PTPRN2: variants seen among roughly 807,000 people sequenced by gnomAD.
PTPRN2 encodes protein tyrosine phosphatase receptor type N2.
In PTPRN2, 74 loss-of-function variants were observed where a neutral mutation model predicts 118.8. That is an observed-to-expected ratio of 0.62 (90% confidence interval 0.52 to 0.76). The LOEUF (loss-of-function observed/expected upper bound fraction) is 0.76, where lower values mean the gene tolerates loss of function less well. Among genes scored for constraint, PTPRN2 ranks in the 30% least tolerant of loss-of-function variants. PTPRN2 has a pLI of 0.00. For synonymous variants in PTPRN2, 641 were observed against 608.0 expected, an observed-to-expected ratio of 1.05 and a Z score of -0.80; for missense variants, 1,481 against 1,394.4, an observed-to-expected ratio of 1.06 and a Z score of -0.99.
rs1203179625 is a variant in PTPRN2 at position 158,310,056 on chromosome 7, G to A, written c.277+6763C>T. On this transcript the variant is annotated intron_variant, in intron 3 of 22. Coordinates refer to ENST00000389418, the MANE Select transcript of PTPRN2 (RefSeq NM_002847.5). The stretch of plus-strand genomic sequence containing the variant: ...GACACCAAATATGGGGGAGCCTCCA[G>A]AGCTCTGAGAAATCAATGTTTGCTG... Among the ~76,000 whole-genome samples the A allele has an allele frequency of 2.0e-5, 3 of 152,188 alleles. No individual in the cohort carries two copies. The East Asian group carries it at 5.8e-4, about 29-fold the overall frequency.
chr7:158,048,037 T>C (rs1031568555), intron 11 of PTPRN2, among the ~76,000 whole-genome samples: 3 of 152,086 alleles, frequency 2.0e-5, no homozygotes, highest in Non-Finnish European at 2.9e-5. Context: ...GGGGACCCGA[T>C]GGATATCGAA....
In PTPRN2 at chr7:158,511,326, G is replaced by A. The variant is rs186164314; in HGVS notation, c.113-21541C>T. 1.9e-3 allele frequency among the ~76,000 whole-genome samples: 297 copies of A among 152,346 alleles called. 1 individual carries two copies. The highest frequency in any genetic ancestry group is 6.9e-3 in the African/African-American group (287 of 41,586). The stretch of plus-strand genomic sequence containing the variant: ...GTCCTGGGCCAAGACCTAAAGAGCA[G>A]TGTGGTTTGTGATGTTATTAAGTGG... On this transcript the variant is annotated intron_variant, in intron 1 of 22. Transcript: ENST00000389418.
chr7:157,791,857 C>T (rs1218636497), intron 12 of PTPRN2, among the ~76,000 whole-genome samples: 1 of 152,242 alleles, frequency 6.6e-6, no homozygotes, highest in Non-Finnish European at 1.5e-5. Context: ...CCGTGCAGCA[C>T]GCTCGGAGCG....
chr7:157,880,491 T>C (rs1465579216), intron 12 of PTPRN2, among the ~76,000 whole-genome samples: 2 of 152,186 alleles, frequency 1.3e-5, no homozygotes, highest in Non-Finnish European at 2.9e-5. Flanking sequence ...GTCTTGGTCA[T>C]CATGTGGCGT....
intron 2 of PTPRN2, among the ~76,000 whole-genome samples, chr7:158,450,987 C>T (rs779493044): frequency 6.6e-6 from 1 of 152,218 alleles, no homozygotes; most frequent in Non-Finnish European, 1.5e-5. Flanking sequence ...TCCAGGAACT[C>T]CCCGCCCCAC....
At chr7:157,759,729 TTAAC>T (rs1462810601) in intron 12 of PTPRN2, among the ~76,000 whole-genome samples, 1 of 152,210 alleles carries the variant, frequency 6.6e-6, no homozygotes, top group African/African-American at 2.4e-5. Context: ...AAAAATTACT[TTAAC>T]AAATAATGTA....
intron 3 of PTPRN2, among the ~76,000 whole-genome samples, chr7:158,230,092 T>G (rs76128235): frequency 0.035 from 5,396 of 152,146 alleles, 334 homozygotes; most frequent in African/African-American, 0.12. Context: ...AGGATGACAT[T>G]TGCAAAGTGC....
chr7:158,515,133 C>G (rs550629423), intron 1 of PTPRN2, among the ~76,000 whole-genome samples: 1 of 151,648 alleles, frequency 6.6e-6, no homozygotes, highest in Non-Finnish European at 1.5e-5. Context: ...GGGGCAGCCC[C>G]GGGCACACAA....
intron 1 of PTPRN2, among the ~76,000 whole-genome samples, chr7:158,527,809 G>T (rs925934492): frequency 2.0e-5 from 3 of 152,172 alleles, no homozygotes; most frequent in African/African-American, 7.2e-5. Context: ...CTCACCCCAG[G>T]CTCCCCTGGT....
chr7:157,782,986 A>T (rs530381164), intron 12 of PTPRN2, among the ~76,000 whole-genome samples: 27 of 152,224 alleles, frequency 1.8e-4, no homozygotes, highest in African/African-American at 6.0e-4. Flanking sequence ...ACCTGGTGGG[A>T]GGTAATTGCA....
chr7:157,567,658 T>G (rs1799555004), intron 21 of PTPRN2, among the ~76,000 whole-genome samples: 1 of 152,108 alleles, frequency 6.6e-6, no homozygotes, highest in South Asian at 2.1e-4. Context: ...ACTGGGCCAG[T>G]GATGGAGAAT....
chr7:158,200,977 T>A (rs1473251796), intron 4 of PTPRN2, among the ~76,000 whole-genome samples: 1 of 152,126 alleles, frequency 6.6e-6, no homozygotes, highest in Non-Finnish European at 1.5e-5. Flanking sequence ...GAAGTTTTAT[T>A]TAAAAGAGAA....
chr7:157,940,755 G>A (rs111445981), intron 11 of PTPRN2, among the ~76,000 whole-genome samples: 340 of 31,060 alleles, frequency 0.011, 67 homozygotes, highest in African/African-American at 0.032. Flanking sequence ...CTGCAAATCT[G>A]ACACCCTCCC....
chr7:158,283,726 C>T (rs1169552034), intron 3 of PTPRN2, among the ~76,000 whole-genome samples: 5 of 152,114 alleles, frequency 3.3e-5, no homozygotes, highest in East Asian at 3.9e-4. Flanking sequence ...TCAGCAGTGC[C>T]GTGGCAGCCA....
intron 17 of PTPRN2, among the ~76,000 whole-genome samples, chr7:157,594,863 G>A (rs1047942396): frequency 9.8e-5 from 15 of 152,306 alleles, no homozygotes; most frequent in Middle Eastern, 3.4e-3. Flanking sequence ...TCCAGGAGAG[G>A]ATGACAGAGG....
intron 11 of PTPRN2, among the ~76,000 whole-genome samples, chr7:158,058,300 G>A (rs1422248155): frequency 1.4e-5 from 2 of 140,920 alleles, no homozygotes; most frequent in African/African-American, 2.7e-5. Context: ...AGACATCACT[G>A]CAGCCACACT....
intron 1 of PTPRN2, chr7:158,532,596 T>C: frequency 2.4e-6 from 1 of 424,854 alleles, no homozygotes; most frequent in Non-Finnish European, 4.7e-6. Flanking sequence ...GGAAAAAACA[T>C]GGGTAAAAAG....
intron 12 of PTPRN2, among the ~76,000 whole-genome samples, chr7:157,751,903 G>A (rs778398219): frequency 5.3e-5 from 8 of 152,092 alleles, no homozygotes; most frequent in Admixed American, 3.3e-4. Context: ...ACACATCTCC[G>A]CTTTTCGCTA....
chr7:157,871,106 G>T (rs1483782708), intron 12 of PTPRN2, among the ~76,000 whole-genome samples: 3 of 152,188 alleles, frequency 2.0e-5, no homozygotes, highest in Non-Finnish European at 4.4e-5. Context: ...GAAGAAGCTG[G>T]CTCCCAGAGC....
Sources: gnomAD v4.1 joint callset for allele counts (sites outside exome capture counted in the v4.1 genomes callset) on GRCh38, gnomAD v4.1.1 for gene constraint, MANE v1.5 for transcripts, NCBI Gene and HGNC (gene_info 2026-07-23, HGNC 2026-07-21) for gene names.